The following CLCN6 variants were observed in gnomAD, a reference collection of about 807,000 sequenced individuals.
CLCN6 encodes Cl-/H+ antiporter 6, also known as H(+)/Cl(-) exchange transporter 6.
Under a neutral mutation model 109.8 loss-of-function variants are expected in CLCN6, and 70 were observed. The ratio of observed to expected loss-of-function variants is 0.64; its 90% confidence interval spans 0.53 to 0.78. The LOEUF is 0.78. CLCN6 is among the 30% of genes least tolerant of loss of function. The probability of loss-of-function intolerance (pLI) is 0.00; values close to 1 mark genes in which losing one functional copy is unlikely to be tolerated. For synonymous variants in CLCN6, 444 were observed against 447.8 expected (o/e 0.99, Z 0.11); for missense variants, 984 against 1,142.3 (o/e 0.86, Z 2.00).
At chr1:11,826,692 G>A (rs1260550037) in intron 9 of CLCN6, among the ~76,000 whole-genome samples, 1 of 152,130 alleles carries the variant, frequency 6.6e-6, no homozygotes, top group East Asian at 1.9e-4. Flanking sequence ...CTGCAAGTTC[G>A]GCACATACCC....
rs916216271 is a variant in CLCN6 at position 11,840,593 on chromosome 1, C to T, written c.*370C>T. 1 of 332,928 alleles carries T rather than the reference C, an allele frequency of 3.0e-6. No individual in the cohort carries two copies. The highest frequency in any genetic ancestry group is 3.3e-5 in the South Asian group (1 of 30,368). 20.6% of individuals were successfully genotyped at this position (332,928 alleles called of 1,614,324 possible). On this transcript the variant is annotated 3_prime_UTR_variant, in exon 23 of 23. Transcript: ENST00000346436. ...CCATCTTTGCTACTTTCCTAGAGAA[C>T]CCGGCTGTTGCCTTAAATGTGTGAG...
intron 10 of CLCN6, 101 bp downstream of exon 10, chr1:11,827,322 G>T (rs1430516783): frequency 3.1e-6 from 4 of 1,278,318 alleles, no homozygotes; most frequent in Non-Finnish European, 3.2e-6. Flanking sequence ...AGACTGGGGG[G>T]TCAACTGGAT....
intron 6 of CLCN6, among the ~76,000 whole-genome samples, chr1:11,823,421 G>T (rs997456374): frequency 5.3e-5 from 8 of 152,100 alleles, no homozygotes; most frequent in Middle Eastern, 6.8e-3. Context: ...AGGTTGCAAT[G>T]AGTGGAGATT....
chr1:11,824,591 C>G, intron 8 of CLCN6, 38 bp downstream of exon 8: 1 of 1,576,702 alleles, frequency 6.3e-7, no homozygotes, highest in Non-Finnish European at 8.7e-7. Context: ...TCTGGGCAGG[C>G]CTAGTGGGAG....
intron 19 of CLCN6, 74 bp downstream of exon 19, chr1:11,837,230 T>C: frequency 6.3e-7 from 1 of 1,592,538 alleles, no homozygotes; most frequent in Non-Finnish European, 8.6e-7. Flanking sequence ...TCAGATGTTG[T>C]GAGGTGGCTC....
chr1:11,839,003 A>G (rs1243019274), intron 22 of CLCN6: 5 of 666,076 alleles, frequency 7.5e-6, no homozygotes, highest in Non-Finnish European at 1.4e-5. Context: ...AGAGAATTTC[A>G]AGCAAAATAC....
intron 5 of CLCN6, among the ~76,000 whole-genome samples, chr1:11,821,574 A>G (rs1166062891): frequency 6.6e-6 from 1 of 152,222 alleles, no homozygotes; most frequent in Non-Finnish European, 1.5e-5. Flanking sequence ...TAATACAGGA[A>G]GAACTCCTGC....
Position 11,833,597 on chromosome 1 carries a change from A to G in CLCN6, c.1331A>G (p.Asn444Ser), listed in dbSNP as rs543966577. The G allele has an allele frequency of 1.2e-6, 2 of 1,613,970 alleles. No homozygotes were observed. Among genetic ancestry groups the G allele is most frequent in the Non-Finnish European group, 1.7e-6 (2 of 1,180,024 alleles). The change falls in exon 14 of 23, where the codon AAC (asparagine) becomes AGC (serine). Residue 444 changes from asparagine (N) to serine (S), a missense_variant. By Grantham distance (46) the Asn-to-Ser change is conservative (BLOSUM62 1). Transcript: ENST00000346436. ...AATGACATGGCCACACTCTTCTTCA[A>G]CCCGCAGGAGTCTGCCATCCTCCAG... ...TYNDMATLFF[N>S]PQESAILQLF...
At chr1:11,813,359 A>T (rs17037427) in intron 2 of CLCN6, among the ~76,000 whole-genome samples, 1 of 151,366 alleles carries the variant, frequency 6.6e-6, no homozygotes, top group African/African-American at 2.4e-5. Flanking sequence ...TACTTTTTTC[A>T]TCACTGTGTT....
At position 11,823,680 on chromosome 1, in the gene CLCN6, A is replaced by G. The variant is rs377313919; in HGVS notation, c.454-27A>G. The stretch of plus-strand genomic sequence containing the variant: ...CCAGAGAACCAATGGATTTCGAGTT[A>G]TGGGTGTGCCTGCTCTCCTCCATCA... On this transcript the variant is annotated intron_variant, in intron 6 of 22. Transcript: ENST00000346436. 4 of 1,613,822 alleles carry G rather than the reference A, an allele frequency of 2.5e-6. No individual in the cohort carries two copies. In the East Asian group the frequency reaches 6.7e-5, roughly 27 times the overall value.
chr1:11,837,458 A>G lies in CLCN6; in HGVS notation c.2254A>G (p.Thr752Ala), dbSNP rs750466891. Residue 752 changes from threonine (T) to alanine (A), a missense_variant, in exon 20 of 23, where the codon ACC (threonine) becomes GCC (alanine). Coordinates refer to ENST00000346436, the MANE Select transcript of CLCN6 (RefSeq NM_001286.5). ...HGLILRSQLV[T>A]LLVRGVCYSE... Reference sequence around the variant, plus strand: ...CCTGATCCTTCGGTCGCAGCTTGTCACCCTGCTTGTCCGAGGAGTTTGTTA... The same window carrying G: ...CCTGATCCTTCGGTCGCAGCTTGTCGCCCTGCTTGTCCGAGGAGTTTGTTA... The G allele has an allele frequency of 4.3e-6, 7 of 1,613,932 alleles. No individual in the cohort carries two copies. The South Asian group carries it at 4.4e-5, about 10-fold the overall frequency.
At chr1:11,836,240 G>A in intron 18 of CLCN6, 87 bp downstream of exon 18, 1 of 1,294,330 alleles carries the variant, frequency 7.7e-7, no homozygotes, top group South Asian at 1.4e-5. Context: ...CCCCTGGCTG[G>A]GGTGGACTTA....
At chr1:11,826,455 C>T (rs537672226) in intron 9 of CLCN6, among the ~76,000 whole-genome samples, 1 of 152,330 alleles carries the variant, frequency 6.6e-6, no homozygotes, top group Admixed American at 6.5e-5. Context: ...AAGATGGTCC[C>T]AGATTAAAAA....
rs767942422 is a variant in CLCN6, at chr1:11,822,787, C to T, written c.439C>T (p.Leu147Phe). 2.5e-6 allele frequency: 4 copies of T among 1,612,884 alleles called. No individual in the cohort carries two copies. The highest frequency in any genetic ancestry group is 3.4e-6 in the Non-Finnish European group (4 of 1,178,848). The change falls in exon 6 of 23, where the codon CTT becomes TTT. Residue 147 changes from leucine (L) to phenylalanine (F), a missense_variant. Leu to Phe is a conservative substitution (Grantham distance 22). Transcript: ENST00000346436. ...NLTFVFLASL[L>F]VLIEPVAAGS... ...CACCTTTGTCTTCCTGGCAAGCCTC[C>T]TTGTTCTCATTGAGGTGAGGTGGTT...
intron 5 of CLCN6, chr1:11,820,330 T>C (rs1342771374): frequency 1.3e-5 from 9 of 711,964 alleles, no homozygotes; most frequent in Non-Finnish European, 2.1e-5. Context: ...TATGGAAAAA[T>C]AGTTATATTC....
intron 18 of CLCN6, 140 bp from the exon 19 acceptor site, chr1:11,836,859 C>T (rs753162643): frequency 1.1e-6 from 1 of 926,516 alleles, no homozygotes; most frequent in Non-Finnish European, 1.6e-6. Flanking sequence ...GCCTGAGCCA[C>T]TCTTTTGAAC....
chr1:11,838,952 TC>T (rs1644986266), intron 22 of CLCN6: 1 of 709,290 alleles, frequency 1.4e-6, no homozygotes, highest in East Asian at 2.7e-5. Flanking sequence ...CCACTGGTGT[TC>T]CTTGGTTCTC....
intron 7 of CLCN6, among the ~76,000 whole-genome samples, chr1:11,824,106 A>G (rs1001111101): frequency 3.9e-5 from 6 of 152,126 alleles, no homozygotes; most frequent in Non-Finnish European, 5.9e-5. Context: ...GTCAACAGCC[A>G]GATAGTAAAT....
At chr1:11,822,830 T>A in intron 6 of CLCN6, 29 bp downstream of exon 6, 1 of 1,405,506 alleles carries the variant, frequency 7.1e-7, no homozygotes, top group East Asian at 2.3e-5. Flanking sequence ...ACCTGCTCGC[T>A]TAGGAGGTTT....
Sources: gnomAD v4.1 joint callset for allele counts (sites outside exome capture counted in the v4.1 genomes callset) on GRCh38, gnomAD v4.1.1 for gene constraint, MANE v1.5 for transcripts, NCBI Gene and HGNC (gene_info 2026-07-23, HGNC 2026-07-21) for gene names.